Variants in PARD3B observed in about 807,000 individuals in gnomAD.
PARD3B encodes the protein partitioning defective 3 homolog B.
A neutral mutation model predicts 130.2 loss-of-function variants in PARD3B; 103 were observed. The ratio of observed to expected loss-of-function variants is 0.79; its 90% CI spans 0.67 to 0.93. The LOEUF is 0.93. Ranked by LOEUF, PARD3B falls within the 40% of genes least tolerant of loss-of-function variation. PARD3B has a pLI of 0.00. For missense variants in PARD3B, 1,609 were observed against 1,499.2 expected (o/e 1.07, Z -1.21); for synonymous variants, 583 against 553.2 (o/e 1.05, Z -0.76).
chr2:205,368,928 C>T (rs527508641), intron 18 of PARD3B, among the ~76,000 whole-genome samples: 2 of 152,090 alleles, frequency 1.3e-5, no homozygotes, highest in East Asian at 3.9e-4. Context: ...TTGTCTTCCT[C>T]CTGACTCAGG....
chr2:205,164,598 A>G (rs2034694035), intron 11 of PARD3B, among the ~76,000 whole-genome samples: 1 of 152,170 alleles, frequency 6.6e-6, no homozygotes, highest in Admixed American at 6.5e-5. Context: ...TATACTGAAT[A>G]AAATTTTGGA....
chr2:205,111,047 G>C (rs1463152513), intron 5 of PARD3B, among the ~76,000 whole-genome samples: 1 of 152,016 alleles, frequency 6.6e-6, no homozygotes, highest in Non-Finnish European at 1.5e-5. Context: ...TATGTGAACT[G>C]GTCCATGGGG....
intron 2 of PARD3B, among the ~76,000 whole-genome samples, chr2:204,843,258 T>C (rs1239161645): frequency 6.6e-6 from 1 of 152,144 alleles, no homozygotes; most frequent in Non-Finnish European, 1.5e-5. Flanking sequence ...TACCATTTAT[T>C]AATCACTAGA....
In PARD3B at chr2:205,187,874, G is replaced by T. The variant is rs140364549; in HGVS notation, c.2024+2011G>T. On this transcript the variant is annotated intron_variant, in intron 14 of 22. Coordinates refer to ENST00000406610, the MANE Select transcript of PARD3B (RefSeq NM_001302769.2). This position sits in a 1 kb window ranked among gnomAD's most constrained non-coding sequence, Gnocchi z 4.9. Reference sequence around the variant, plus strand: ...AATCATCAACGGTAATCTCCTTTCAGTCAAAAGTATGACGTTGTCTTAGAC... The same window carrying T: ...AATCATCAACGGTAATCTCCTTTCATTCAAAAGTATGACGTTGTCTTAGAC... 8.0e-3 allele frequency among the ~76,000 whole-genome samples: 1,210 copies of T among 152,188 alleles called. 13 individuals are homozygous for T. Among genetic ancestry groups the T allele is most frequent in the African/African-American group, 0.028 (1,158 of 41,512 alleles).
chr2:205,032,799 A>C (rs1195444544), intron 3 of PARD3B, among the ~76,000 whole-genome samples: 2 of 152,140 alleles, frequency 1.3e-5, no homozygotes, highest in Non-Finnish European at 2.9e-5. Flanking sequence ...ATTTTTTTCC[A>C]GTCTTGCCAG....
intron 20 of PARD3B, among the ~76,000 whole-genome samples, chr2:205,472,288 C>T (rs2048861880): frequency 6.6e-6 from 1 of 152,178 alleles, no homozygotes; most frequent in African/African-American, 2.4e-5. Context: ...CTGACACACA[C>T]ATGTGCACAC....
At position 205,563,451 on chromosome 2, in the gene PARD3B, C is replaced by T. The variant is rs752371016; in HGVS notation, c.3260+10048C>T. Among the ~76,000 whole-genome samples the T allele has an allele frequency of 5.9e-5, 9 of 152,092 alleles. No individual in the cohort carries two copies. Among genetic ancestry groups the T allele is most frequent in the Non-Finnish European group, 1.0e-4 (7 of 68,030 alleles). On this transcript the variant is annotated intron_variant, in intron 22 of 22. Coordinates refer to ENST00000406610, the MANE Select transcript of PARD3B (RefSeq NM_001302769.2). This position sits in a 1 kb window ranked among gnomAD's most constrained non-coding sequence, Gnocchi z 4.2. ...CCCAGGACTCTCTGGTTTCCAAGGCCTTTTTAATTTCACTTGACCCCACAT... is the reference window on the plus strand; with the variant it reads ...CCCAGGACTCTCTGGTTTCCAAGGCTTTTTTAATTTCACTTGACCCCACAT...
chr2:205,404,887 C>A (rs554333218), intron 19 of PARD3B, among the ~76,000 whole-genome samples: 1 of 152,192 alleles, frequency 6.6e-6, no homozygotes, highest in East Asian at 1.9e-4. Flanking sequence ...AAGTTACCTC[C>A]TAAATCATAT....
chr2:205,450,905 C>T (rs145244730), intron 20 of PARD3B, among the ~76,000 whole-genome samples: 3 of 152,278 alleles, frequency 2.0e-5, no homozygotes, highest in East Asian at 1.9e-4. Context: ...AGCTCATCAT[C>T]GGAACTGAGG....
Position 205,440,267 on chromosome 2 carries a change from A to G in PARD3B, c.2742-103A>G. On this transcript the variant is annotated intron_variant, in intron 19 of 22. Coordinates refer to ENST00000406610, the MANE Select transcript of PARD3B (RefSeq NM_001302769.2). This position sits in a 1 kb window ranked among gnomAD's most constrained non-coding sequence, Gnocchi z 4.2. ...GATCTTGAGTAAACAGGAGAATGAC[A>G]GCTAAGAGACGAGGAAGAGTTAACA... 3 of 1,164,430 alleles carry G rather than the reference A, an allele frequency of 2.6e-6. No homozygotes were observed. Among genetic ancestry groups the G allele is most frequent in the Non-Finnish European group, 2.4e-6 (2 of 820,598 alleles). The allele number at this position is 1,164,430 out of a possible 1,614,324, so 72.1% of individuals were successfully genotyped here. A position where few individuals can be genotyped will look rare whatever the true frequency, so the allele number is the denominator to read the frequency against.
At chr2:204,862,716 C>T (rs1201413421) in intron 2 of PARD3B, among the ~76,000 whole-genome samples, 1 of 152,182 alleles carries the variant, frequency 6.6e-6, no homozygotes, top group Non-Finnish European at 1.5e-5. Context: ...CCAGGACATC[C>T]CTTTTCCCCT....
Position 205,116,419 on chromosome 2 carries a change from G to A in PARD3B, c.681-2502G>A, listed in dbSNP as rs1180563725. On this transcript the variant is annotated intron_variant, in intron 6 of 22. Coordinates refer to ENST00000406610, the MANE Select transcript of PARD3B (RefSeq NM_001302769.2). This position sits in a 1 kb window ranked among gnomAD's most constrained non-coding sequence, Gnocchi z 4.5. ...GTGACATTGGGAAAAGAACAGGAAG[G>A]GGGCAAGGAGAAGATGTTGGTGCCT... is the stretch of plus-strand genomic sequence containing the variant. 6.6e-6 allele frequency among the ~76,000 whole-genome samples: 1 copy of A among 152,098 alleles called. No homozygotes were observed. The highest frequency in any genetic ancestry group is 1.5e-5 in the Non-Finnish European group (1 of 68,018).
chr2:204,996,396 G>A (rs1002040541), intron 3 of PARD3B, among the ~76,000 whole-genome samples: 5 of 152,148 alleles, frequency 3.3e-5, no homozygotes, highest in Non-Finnish European at 5.9e-5. Flanking sequence ...GCTGCTCAGG[G>A]GTCAGGGGTC....
chr2:204,801,200 T>C (rs886217427), intron 2 of PARD3B, among the ~76,000 whole-genome samples: 1 of 152,320 alleles, frequency 6.6e-6, no homozygotes, highest in African/African-American at 2.4e-5. Flanking sequence ...CTATATGGGC[T>C]CTTTTTTGGT....
intron 3 of PARD3B, among the ~76,000 whole-genome samples, chr2:204,983,642 A>G (rs1692877627): frequency 6.6e-6 from 1 of 152,140 alleles, no homozygotes; most frequent in Admixed American, 6.5e-5. Flanking sequence ...CAAAAAGATG[A>G]CTCTGACCTT....
rs567517759 is a variant in PARD3B at position 205,280,211 on chromosome 2, C to A, written c.2186-20319C>A. 6.6e-6 allele frequency among the ~76,000 whole-genome samples: 1 copy of A among 152,020 alleles called. No homozygotes were observed. The highest frequency in any genetic ancestry group is 1.5e-5 in the Non-Finnish European group (1 of 68,000). ...AATAACAGTCACTACTCCTTTTTCC[C>A]GTGCATGAACTTTGGAACAGAAAAA... On this transcript the variant is annotated intron_variant, in intron 16 of 22. Coordinates refer to ENST00000406610, the MANE Select transcript of PARD3B (RefSeq NM_001302769.2). The surrounding 1 kb of genome is among the most constrained non-coding windows in gnomAD (Gnocchi z 4.7).
intron 16 of PARD3B, among the ~76,000 whole-genome samples, chr2:205,298,387 C>T (rs1304750106): frequency 6.6e-6 from 1 of 152,138 alleles, no homozygotes; most frequent in African/African-American, 2.4e-5. Context: ...AACTTATCTT[C>T]CTTCCTGGGA....
intron 2 of PARD3B, among the ~76,000 whole-genome samples, chr2:204,762,873 G>C (rs2125411563): frequency 6.6e-6 from 1 of 150,782 alleles, no homozygotes; most frequent in African/African-American, 2.4e-5. Flanking sequence ...CGATTCTCCT[G>C]CCTCAGCCTC....
chr2:204,823,779 A>G (rs893597571), intron 2 of PARD3B, among the ~76,000 whole-genome samples: 1 of 152,040 alleles, frequency 6.6e-6, no homozygotes, highest in Non-Finnish European at 1.5e-5. Flanking sequence ...TTCTCTACTA[A>G]TAATACAAAA....
Sources: gnomAD v4.1 joint callset for allele counts (sites outside exome capture counted in the v4.1 genomes callset) on GRCh38, gnomAD v4.1.1 for gene constraint, Gnocchi (gnomAD v3.1) non-coding constraint, MANE v1.5 for transcripts, NCBI Gene and HGNC (gene_info 2026-07-23, HGNC 2026-07-21) for gene names.